Variants in TYRP1 observed in about 807,000 individuals in gnomAD.
The protein encoded by TYRP1 is tyrosinase related protein 1.
In TYRP1, 49 loss-of-function variants were observed where a neutral mutation model predicts 42.8. The ratio of observed to expected loss-of-function variants is 1.14; its 90% CI spans 0.91 to 1.45. The LOEUF (loss-of-function observed/expected upper bound fraction) is 1.45, where lower values mean the gene tolerates loss of function less well. Among genes scored for constraint, TYRP1 ranks in the 40% most tolerant of loss-of-function variants. The pLI is 0.00. For synonymous variants in TYRP1, 279 were observed against 235.4 expected (o/e 1.19, Z -1.69); for missense variants, 848 against 662.0 (o/e 1.28, Z -3.08).
chr9:12,707,677 A>C, intron 6 of TYRP1: 1 of 247,218 alleles, frequency 4.0e-6, no homozygotes. Flanking sequence ...TGAAAAATAC[A>C]TTTAATGAAT....
chr9:12,705,799 A>T (rs1380836964), intron 6 of TYRP1, among the ~76,000 whole-genome samples: 1 of 151,880 alleles, frequency 6.6e-6, no homozygotes, highest in Non-Finnish European at 1.5e-5. Flanking sequence ...GTTAGCCAAG[A>T]TCACACCACT....
In TYRP1 at chr9:12,709,341, G is replaced by A; in HGVS notation, c.*159G>A. On this transcript the variant is annotated 3_prime_UTR_variant, in exon 8 of 8. Coordinates refer to ENST00000388918, the MANE Select transcript of TYRP1 (RefSeq NM_000550.3). The stretch of plus-strand genomic sequence containing the variant: ...TAGGCATACTTTTCAAAGCTGGGAA[G>A]ACCCTTTCAGAATCTTTTCAATGGG... 4.1e-6 allele frequency: 3 copies of A among 736,314 alleles called. No individual in the cohort carries two copies. Among genetic ancestry groups the A allele is most frequent in the South Asian group, 3.3e-5 (2 of 60,470 alleles). 45.6% of individuals were successfully genotyped at this position (736,314 alleles called of 1,614,324 possible).
At position 12,702,368 on chromosome 9, in the gene TYRP1, G is replaced by C. The variant is rs1471945456; in HGVS notation, c.1011G>C (p.Leu337Phe). The C allele has an allele frequency of 6.2e-7, 1 of 1,613,062 alleles. No homozygotes were observed. Among genetic ancestry groups the C allele is most frequent in the Non-Finnish European group, 8.5e-7 (1 of 1,179,470 alleles). Residue 337 changes from leucine to phenylalanine, a missense_variant, in exon 5 of 8, where the codon TTG becomes TTC. Coordinates refer to ENST00000388918, the MANE Select transcript of TYRP1 (RefSeq NM_000550.3). ...LPEPQDVAQC[L>F]EVGLFDTPPF... ...AACCACAGGATGTCGCTCAGTGCTT[G>C]GAAGTTGGTTTATTTGACACGCCTC...
intron 3 of TYRP1, among the ~76,000 whole-genome samples, chr9:12,696,221 T>A (rs1352628847): frequency 6.6e-6 from 1 of 152,208 alleles, no homozygotes; most frequent in Non-Finnish European, 1.5e-5. Flanking sequence ...TGATGTGGGT[T>A]AGAGACTTCT....
chr9:12,707,489 C>G (rs41303663), intron 6 of TYRP1, among the ~76,000 whole-genome samples: 3 of 151,800 alleles, frequency 2.0e-5, no homozygotes, highest in Non-Finnish European at 2.9e-5. Context: ...ATAGGATAGG[C>G]AGTACTGTGT....
chr9:12,707,520 T>C (rs1818277814), intron 6 of TYRP1, among the ~76,000 whole-genome samples: 1 of 151,870 alleles, frequency 6.6e-6, no homozygotes, highest in Non-Finnish European at 1.5e-5. Context: ...AAGAAGAATG[T>C]CCTAAGACAA....
intron 2 of TYRP1, 111 bp downstream of exon 2, chr9:12,694,492 C>T (rs1818045532): frequency 7.4e-7 from 1 of 1,354,930 alleles, no homozygotes; most frequent in Non-Finnish European, 1.0e-6. Flanking sequence ...TAGCTCAACC[C>T]TCTCTTTTCA....
intron 6 of TYRP1, 95 bp from the exon 7 acceptor site, chr9:12,707,902 G>T (rs540757295): frequency 7.9e-7 from 1 of 1,262,904 alleles, no homozygotes; most frequent in Admixed American, 2.5e-5. Context: ...ATTTTTTCAG[G>T]TTCTCCTTGA....
rs140365820 is a variant in TYRP1, at chr9:12,704,706, G to A, written c.1261+1G>A. On this transcript the variant is annotated splice_donor_variant, in intron 6 of 7. Coordinates refer to ENST00000388918, the MANE Select transcript of TYRP1 (RefSeq NM_000550.3). LOFTEE classifies it high-confidence loss of function. ...GAATGGCTGAGGAGATACAATGCTG[G>A]TAAGACATTTTCATATGCCTTTTGC... 51 of 1,612,502 alleles carry A rather than the reference G, an allele frequency of 3.2e-5. No individual in the cohort carries two copies. In the African/African-American group the frequency reaches 6.5e-4, roughly 21 times the overall value.
intron 3 of TYRP1, 51 bp downstream of exon 3, chr9:12,695,888 G>T: frequency 3.2e-6 from 5 of 1,575,284 alleles, no homozygotes; most frequent in Non-Finnish European, 4.3e-6. Flanking sequence ...AAGATGCCTT[G>T]TTTGTAAGTG....
At chr9:12,706,651 A>G (rs1818263320) in intron 6 of TYRP1, among the ~76,000 whole-genome samples, 1 of 152,048 alleles carries the variant, frequency 6.6e-6, no homozygotes, top group Admixed American at 6.6e-5. Flanking sequence ...ACACTTGCAA[A>G]CTGCATGAAA....
At chr9:12,708,222 A>G (rs1818292870) in intron 7 of TYRP1, 79 bp downstream of exon 7, 1 of 1,527,772 alleles carries the variant, frequency 6.5e-7, no homozygotes, top group Admixed American at 1.7e-5. Flanking sequence ...TAATCACGGT[A>G]TTCTGAAGCT....
Position 12,702,161 on chromosome 9 carries a change from AC to A in TYRP1, c.914-108del, listed in dbSNP as rs1818179487. ...TATGCATTTTTAAATTTTCTTTTCT[AC>A]CAAGGAAAACCTATATTTCATATTC... On this transcript the variant is annotated intron_variant, in intron 4 of 7. Transcript: ENST00000388918. 2.5e-6 allele frequency: 3 copies of A among 1,192,888 alleles called. 1 individual carries two copies. Among genetic ancestry groups the A allele is most frequent in the South Asian group, 2.9e-5 (2 of 68,276 alleles). The allele number at this position is 1,192,888 out of a possible 1,614,324, so 73.9% of individuals were successfully genotyped here. A position where few individuals can be genotyped will look rare whatever the true frequency, so the allele number is the denominator to read the frequency against.
intron 7 of TYRP1, 115 bp from the exon 8 acceptor site, chr9:12,708,862 A>AAATT (rs2118276442): frequency 9.7e-7 from 1 of 1,029,902 alleles, no homozygotes; most frequent in East Asian, 2.6e-5. Flanking sequence ...TGGCCAATGT[A>AAATT]AATTAAATAT....
At chr9:12,704,068 A>AAT (rs1349390098) in intron 5 of TYRP1, among the ~76,000 whole-genome samples, 1 of 152,012 alleles carries the variant, frequency 6.6e-6, no homozygotes, top group Non-Finnish European at 1.5e-5. Flanking sequence ...GTTTTCCAAA[A>AAT]ATAAACGTGC....
chr9:12,705,932 T>G (rs1014918010), intron 6 of TYRP1, among the ~76,000 whole-genome samples: 5 of 152,024 alleles, frequency 3.3e-5, no homozygotes, highest in Non-Finnish European at 7.4e-5. Context: ...ATCTATAATT[T>G]ACACTGTCAG....
Position 12,707,800 on chromosome 9 carries a change from G to C in TYRP1, c.1262-197G>C, listed in dbSNP as rs75439634. 5.7e-4 allele frequency: 329 copies of C among 573,770 alleles called. 1 individual carries two copies. Among genetic ancestry groups the C allele is most frequent in the African/African-American group, 5.7e-3 (301 of 53,032 alleles). The allele number at this position is 573,770 out of a possible 1,614,324, so 35.5% of individuals were successfully genotyped here. On this transcript the variant is annotated intron_variant, in intron 6 of 7. Coordinates refer to ENST00000388918, the MANE Select transcript of TYRP1 (RefSeq NM_000550.3). Reference sequence around the variant, plus strand: ...CTCTTTTTTATTAAGTGGTATATTGGTACTGTATTCAAAGCATTTTCTGTT... The same window carrying C: ...CTCTTTTTTATTAAGTGGTATATTGCTACTGTATTCAAAGCATTTTCTGTT...
chr9:12,697,343 T>C (rs1818094319), intron 3 of TYRP1, among the ~76,000 whole-genome samples: 1 of 152,136 alleles, frequency 6.6e-6, no homozygotes, highest in Admixed American at 6.6e-5. Flanking sequence ...ATGAATATGC[T>C]CTGGCTCCCA....
In TYRP1 at chr9:12,709,097, C is replaced by G; in HGVS notation, c.1529C>G (p.Ala510Gly). Residue 510 changes from alanine to glycine, a missense_variant, in exon 8 of 8, where the codon GCT becomes GGT. By Grantham distance (60) the Ala-to-Gly change is moderately conservative. Coordinates refer to ENST00000388918, the MANE Select transcript of TYRP1 (RefSeq NM_000550.3). Reference sequence around the variant, plus strand: ...CGTGCCAGACGCAGTATGGATGAAGCTAACCAGCCTCTCCTCACTGATCAG... The same window carrying G: ...CGTGCCAGACGCAGTATGGATGAAGGTAACCAGCCTCTCCTCACTGATCAG... ...LIRARRSMDE[A>G]NQPLLTDQYQ... 1 of 1,612,782 alleles carries G rather than the reference C, an allele frequency of 6.2e-7. No individual in the cohort carries two copies. Among genetic ancestry groups the G allele is most frequent in the Non-Finnish European group, 8.5e-7 (1 of 1,179,196 alleles).
Sources: allele counts gnomAD v4.1 joint callset (sites outside exome capture counted in the v4.1 genomes callset), GRCh38; gene constraint gnomAD v4.1.1; transcripts MANE v1.5; gene names NCBI Gene and HGNC (gene_info 2026-07-23, HGNC 2026-07-21).